The following CHST9 variants were observed in gnomAD, a reference collection of about 807,000 sequenced individuals.
CHST9 encodes carbohydrate sulfotransferase 9.
CHST9 carries 41 observed loss-of-function variants against 44.4 expected under a neutral mutation model. The observed-to-expected ratio is 0.92, with a 90% CI of 0.72 to 1.20. CHST9 has a LOEUF of 1.20. CHST9 is among the 50% of genes most tolerant of loss of function. The probability of loss-of-function intolerance (pLI) is 0.00; values close to 1 mark genes in which losing one functional copy is unlikely to be tolerated. For missense variants in CHST9, 504 were observed against 516.5 expected, an observed-to-expected ratio of 0.98 and a Z score of 0.23; for synonymous variants, 171 against 178.4, an observed-to-expected ratio of 0.96 and a Z score of 0.33.
At chr18:27,087,324 A>G (rs772659736) in intron 2 of CHST9, among the ~76,000 whole-genome samples, 3 of 152,210 alleles carry the variant, frequency 2.0e-5, no homozygotes, top group Non-Finnish European at 4.4e-5. Context: ...ATCCCTGTTG[A>G]CAGTATCTGT....
Position 26,916,964 on chromosome 18 carries a change from T to C in CHST9, c.627A>G (p.Glu209=), listed in dbSNP as rs2145045634. The C allele has an allele frequency of 1.2e-6, 2 of 1,613,884 alleles. No homozygotes were observed. The highest frequency in any genetic ancestry group is 4.5e-5 in the East Asian group (2 of 44,872). The change falls in exon 6 of 6, where the codon GAA becomes GAG. Residue 209 remains glutamate, a synonymous_variant. Transcript: ENST00000618847. The stretch of plus-strand genomic sequence containing the variant: ...CACAATATAAGATTTTGTGTTTATC[T>C]TCTACATAGATTCTGGATACTGTAT... The part of the protein sequence containing the change: ...LFHTVSRIYV[E]DKHKILYCEV...
chr18:27,150,515 C>T (rs914829012), intron 1 of CHST9, among the ~76,000 whole-genome samples: 2 of 152,174 alleles, frequency 1.3e-5, no homozygotes, highest in Non-Finnish European at 2.9e-5. Context: ...GCTGTTCCAG[C>T]AGCTTCCAAA....
intron 2 of CHST9, among the ~76,000 whole-genome samples, chr18:27,062,002 C>T (rs1264099301): frequency 6.6e-6 from 1 of 152,052 alleles, no homozygotes; most frequent in African/African-American, 2.4e-5. Flanking sequence ...TAATATGGTC[C>T]AAATCACCCT....
chr18:26,912,438 A>C lies in CHST9; in HGVS notation c.*3821T>G. ...AGACACCCATATTTGTATGGAAAAA[A>C]TTTCAGGATTCCAATATATTGTTTT... On this transcript the variant is annotated 3_prime_UTR_variant, in exon 6 of 6. Transcript: ENST00000618847. 6.6e-6 allele frequency: 1 copy of C among 151,752 alleles called. No individual in the cohort carries two copies. Among genetic ancestry groups the C allele is most frequent in the African/African-American group, 2.4e-5 (1 of 41,204 alleles). The allele number at this position is 151,752 out of a possible 1,614,324, so 9.4% of individuals were successfully genotyped here.
chr18:27,028,381 C>A (rs1158561292), intron 3 of CHST9, among the ~76,000 whole-genome samples: 1 of 152,138 alleles, frequency 6.6e-6, no homozygotes, highest in Non-Finnish European at 1.5e-5. Flanking sequence ...GGTACAAACA[C>A]CACTGACGCT....
intron 3 of CHST9, among the ~76,000 whole-genome samples, chr18:27,044,920 C>A (rs747523282): frequency 1.1e-4 from 16 of 151,904 alleles, no homozygotes; most frequent in Middle Eastern, 6.8e-3. Context: ...GGTGCCATTG[C>A]TGTTGTAGAA....
In CHST9 at chr18:26,914,235, G is replaced by T. The variant is rs2145038532; in HGVS notation, c.*2024C>A. ...TGCCAATAAGAGAGGTAGGACTGTTGTTTCCATTTTTTTCCTTCTAAAGCT... is the reference window on the plus strand; with the variant it reads ...TGCCAATAAGAGAGGTAGGACTGTTTTTTCCATTTTTTTCCTTCTAAAGCT... On this transcript the variant is annotated 3_prime_UTR_variant, in exon 6 of 6. Coordinates refer to ENST00000618847, the MANE Select transcript of CHST9 (RefSeq NM_031422.6). The T allele has an allele frequency of 6.6e-6, 1 of 152,196 alleles. No individual in the cohort carries two copies. Among genetic ancestry groups the T allele is most frequent in the East Asian group, 1.9e-4 (1 of 5,180 alleles). 9.4% of individuals were successfully genotyped at this position (152,196 alleles called of 1,614,324 possible).
chr18:26,946,377 A>G (rs2056162675), intron 4 of CHST9, among the ~76,000 whole-genome samples: 1 of 152,218 alleles, frequency 6.6e-6, no homozygotes, highest in African/African-American at 2.4e-5. Context: ...AGGAGGGAGC[A>G]TAGTGGATCC....
chr18:26,943,785 A>G (rs999255946), intron 5 of CHST9, among the ~76,000 whole-genome samples: 1 of 152,214 alleles, frequency 6.6e-6, no homozygotes, highest in Non-Finnish European at 1.5e-5. Flanking sequence ...GAAATACAAA[A>G]ATAGATCAGT....
intron 4 of CHST9, among the ~76,000 whole-genome samples, chr18:26,992,768 AT>A (rs1047276607): frequency 5.9e-5 from 9 of 152,152 alleles, no homozygotes; most frequent in African/African-American, 1.9e-4. Context: ...AAACAATAGC[AT>A]TTTTTTCTTG....
intron 3 of CHST9, among the ~76,000 whole-genome samples, chr18:27,024,487 A>G (rs921275932): frequency 6.6e-6 from 1 of 152,168 alleles, no homozygotes; most frequent in Non-Finnish European, 1.5e-5. Flanking sequence ...AAGGAAGACA[A>G]TTTCCTTTGA....
chr18:27,021,269 C>A (rs1387295273), intron 4 of CHST9, among the ~76,000 whole-genome samples: 3 of 152,054 alleles, frequency 2.0e-5, no homozygotes, highest in African/African-American at 7.2e-5. Flanking sequence ...CTGATGGTGA[C>A]AGCATATAAC....
rs926993381 is a variant in CHST9 at position 26,977,205 on chromosome 18, T to TA, written c.203-32840dup. On this transcript the variant is annotated intron_variant, in intron 4 of 5. Transcript: ENST00000618847. ...AAGCCTTTTAATTTGTACCGATGCT[T>TA]AAAAAAAAAAGTTTAAACAAAACCC... is the stretch of plus-strand genomic sequence containing the variant. 5.4e-5 allele frequency among the ~76,000 whole-genome samples: 8 copies of TA among 149,320 alleles called. No homozygotes were observed. In the South Asian group the frequency reaches 6.4e-4, roughly 12 times the overall value.
chr18:27,059,978 G>C (rs951378972), intron 2 of CHST9, among the ~76,000 whole-genome samples: 1 of 152,196 alleles, frequency 6.6e-6, no homozygotes, highest in Non-Finnish European at 1.5e-5. Context: ...TACTTTGTAA[G>C]CTTGTAAAGA....
At chr18:27,174,971 T>C (rs1187773629) in intron 1 of CHST9, among the ~76,000 whole-genome samples, 2 of 152,046 alleles carry the variant, frequency 1.3e-5, no homozygotes, top group Non-Finnish European at 2.9e-5. Context: ...AGGCTTTAAA[T>C]AAAAACAGTG....
intron 2 of CHST9, among the ~76,000 whole-genome samples, chr18:27,110,737 A>G (rs2058264060): frequency 6.6e-6 from 1 of 152,178 alleles, no homozygotes; most frequent in South Asian, 2.1e-4. Flanking sequence ...ATCACATGCC[A>G]ATTTCTTCAT....
At chr18:26,987,182 G>A (rs1334609436) in intron 4 of CHST9, among the ~76,000 whole-genome samples, 4 of 152,216 alleles carry the variant, frequency 2.6e-5, no homozygotes, top group African/African-American at 9.6e-5. Flanking sequence ...TCTAGCTCCA[G>A]TAAGGTTGAA....
At chr18:27,141,154 C>T (rs931027424) in intron 2 of CHST9, among the ~76,000 whole-genome samples, 2 of 152,088 alleles carry the variant, frequency 1.3e-5, no homozygotes, top group Non-Finnish European at 2.9e-5. Context: ...GTCAGGAGAT[C>T]GAGACCATCC....
At chr18:27,064,126 T>G (rs1235476391) in intron 2 of CHST9, among the ~76,000 whole-genome samples, 1 of 152,066 alleles carries the variant, frequency 6.6e-6, no homozygotes, top group Non-Finnish European at 1.5e-5. Flanking sequence ...TGAGTATGAA[T>G]AGGCTGGCTG....
Sources: gnomAD v4.1 joint callset for allele counts (sites outside exome capture counted in the v4.1 genomes callset) on GRCh38, gnomAD v4.1.1 for gene constraint, MANE v1.5 for transcripts, NCBI Gene and HGNC (gene_info 2026-07-23, HGNC 2026-07-21) for gene names.